The following LHPP variants were observed in gnomAD, a reference collection of about 807,000 sequenced individuals.
The protein encoded by LHPP is hLHPP.
In LHPP, 24 loss-of-function variants were observed where a neutral mutation model predicts 30.3. The ratio of observed to expected loss-of-function variants is 0.79; its 90% CI spans 0.57 to 1.11. LHPP has a LOEUF of 1.11. Ranked by LOEUF, LHPP falls within the 50% of genes most tolerant of loss-of-function variation. The pLI, the probability that LHPP is intolerant of heterozygous loss-of-function variation, is 0.00. For missense variants in LHPP, 356 were observed against 367.2 expected, an observed-to-expected ratio of 0.97 and a Z score of 0.25; for synonymous variants, 150 against 157.1, an observed-to-expected ratio of 0.95 and a Z score of 0.34.
intron 5 of LHPP, among the ~76,000 whole-genome samples, chr10:124,506,272 C>CG (rs1162052587): frequency 7.8e-6 from 1 of 128,620 alleles, no homozygotes; most frequent in Admixed American, 7.9e-5. Context: ...AACCCCCCCC[C>CG]CACCCCGCGG....
intron 2 of LHPP, among the ~76,000 whole-genome samples, chr10:124,485,444 C>T: frequency 6.6e-6 from 1 of 151,944 alleles, no homozygotes; most frequent in East Asian, 1.9e-4. Flanking sequence ...GAATGCCCTT[C>T]CTCAGCTGTA....
At chr10:124,501,269 G>C (rs1463070013) in intron 5 of LHPP, among the ~76,000 whole-genome samples, 1 of 151,856 alleles carries the variant, frequency 6.6e-6, no homozygotes, top group Non-Finnish European at 1.5e-5. Flanking sequence ...GGGGAGTGCA[G>C]CTTCAGGGTA....
At chr10:124,553,721 A>G (rs1280116804) in intron 6 of LHPP, among the ~76,000 whole-genome samples, 1 of 152,068 alleles carries the variant, frequency 6.6e-6, no homozygotes, top group Non-Finnish European at 1.5e-5. Flanking sequence ...GGCCTCCCAA[A>G]GTGCCGGGAT....
intron 6 of LHPP, among the ~76,000 whole-genome samples, chr10:124,535,659 C>A (rs147156990): frequency 1.0e-3 from 157 of 151,992 alleles, no homozygotes; most frequent in Admixed American, 1.9e-3. Flanking sequence ...TCTCCCACAT[C>A]GGGATCCCAA....
chr10:124,589,434 T>C (rs959976402), intron 6 of LHPP, among the ~76,000 whole-genome samples: 1 of 152,238 alleles, frequency 6.6e-6, no homozygotes, highest in African/African-American at 2.4e-5. Flanking sequence ...TTTAAAAAGC[T>C]GGCATGGGCT....
At chr10:124,589,889 G>T (rs11595762) in intron 6 of LHPP, among the ~76,000 whole-genome samples, 74,948 of 151,946 alleles carry the variant, frequency 0.49, 18,590 homozygotes, top group Non-Finnish European at 0.5. Flanking sequence ...ATGTCTCAGC[G>T]CGCCCTGGCC....
At chr10:124,554,322 A>G (rs1409862617) in intron 6 of LHPP, among the ~76,000 whole-genome samples, 1 of 152,180 alleles carries the variant, frequency 6.6e-6, no homozygotes, top group African/African-American at 2.4e-5. Context: ...GGTAGGATGC[A>G]TGCCTGAGGT....
chr10:124,555,174 G>A (rs970099989), intron 6 of LHPP, among the ~76,000 whole-genome samples: 7 of 152,196 alleles, frequency 4.6e-5, no homozygotes, highest in Admixed American at 1.3e-4. Flanking sequence ...CTCTTCCTGG[G>A]TGGGCCAGTG....
chr10:124,479,124 C>G (rs1170878208), intron 1 of LHPP, among the ~76,000 whole-genome samples: 1 of 151,922 alleles, frequency 6.6e-6, no homozygotes, highest in African/African-American at 2.4e-5. Context: ...CAAATCCCCA[C>G]TCCCATGGGA....
At position 124,506,517 on chromosome 10, in the gene LHPP, C is replaced by T. The variant is rs576539068; in HGVS notation, c.624+8389C>T. Among the ~76,000 whole-genome samples, 6 of 151,590 alleles carry T rather than the reference C, an allele frequency of 4.0e-5. No homozygotes were observed. The East Asian group carries it at 8.0e-4, about 20-fold the overall frequency. On this transcript the variant is annotated intron_variant, in intron 5 of 6. Coordinates refer to ENST00000368842, the MANE Select transcript of LHPP (RefSeq NM_022126.4). ...TTACGGAGAACTCTAGTACTGAACC[C>T]AAGATTACTTTGCCAATGAGGAGTG...
At position 124,552,612 on chromosome 10, in the gene LHPP, C is replaced by T. The variant is rs558146437; in HGVS notation, c.716+35341C>T. Among the ~76,000 whole-genome samples, 3 of 152,288 alleles carry T rather than the reference C, an allele frequency of 2.0e-5. No homozygotes were observed. In the East Asian group the frequency reaches 5.8e-4, roughly 29 times the overall value. On this transcript the variant is annotated intron_variant, in intron 6 of 6. Transcript: ENST00000368842. Reference sequence around the variant, plus strand: ...GCTCTTAATCCTCCAGCCACTGCCCCCCAGGCTGGGGCCTGCCAGCCCCCG... The same window carrying T: ...GCTCTTAATCCTCCAGCCACTGCCCTCCAGGCTGGGGCCTGCCAGCCCCCG...
At position 124,484,021 on chromosome 10, in the gene LHPP, A is replaced by G. The variant is rs1953232616; in HGVS notation, c.126-118A>G. The G allele has an allele frequency of 1.3e-5, 12 of 892,570 alleles. 1 individual carries two copies. The Admixed American group carries it at 2.8e-4, about 21-fold the overall frequency. 55.3% of individuals were successfully genotyped at this position (892,570 alleles called of 1,614,324 possible). A position where few individuals can be genotyped will look rare whatever the true frequency, so the allele number is the denominator to read the frequency against. On this transcript the variant is annotated intron_variant, in intron 1 of 6. Coordinates refer to ENST00000368842, the MANE Select transcript of LHPP (RefSeq NM_022126.4). ...AGCCAGGACCCCCTCAGGGGCTCGC[A>G]GTGGCCTAGTCTGCTCTGGGCTTTG...
At chr10:124,537,449 T>C (rs1225363560) in intron 6 of LHPP, among the ~76,000 whole-genome samples, 1 of 152,202 alleles carries the variant, frequency 6.6e-6, no homozygotes, top group South Asian at 2.1e-4. Context: ...AGCTGTGCCA[T>C]TGGCGATGCG....
chr10:124,611,606 C>T (rs1949199689), intron 6 of LHPP, among the ~76,000 whole-genome samples: 1 of 151,954 alleles, frequency 6.6e-6, no homozygotes, highest in Admixed American at 6.6e-5. Flanking sequence ...CACTGCCCTC[C>T]CCTCCCAGGG....
intron 3 of LHPP, among the ~76,000 whole-genome samples, chr10:124,494,572 C>T (rs556284435): frequency 1.7e-3 from 255 of 152,328 alleles, no homozygotes; most frequent in African/African-American, 5.6e-3. Flanking sequence ...GGACGAGGGT[C>T]ATGGCCTTTG....
Position 124,496,986 on chromosome 10 carries a change from C to G in LHPP, c.493C>G (p.Leu165Val), listed in dbSNP as rs1205364057. 1.2e-6 allele frequency: 2 copies of G among 1,614,034 alleles called. No homozygotes were observed. The highest frequency in any genetic ancestry group is 1.3e-5 in the African/African-American group (1 of 74,954). The stretch of plus-strand genomic sequence containing the variant: ...GCGTTACTACAAGGAGACCTCTGGC[C>G]TGATGCTGGACGTTGGTCCCTACAT... ...KGRYYKETSGLMLDVGPYMKA... is the reference protein window; with the variant it reads ...KGRYYKETSGVMLDVGPYMKA... The change falls in exon 4 of 7, where the codon CTG (leucine) becomes GTG (valine). Residue 165 changes from leucine to valine, a missense_variant. Physicochemically the swap from Leu to Val is conservative, Grantham distance 32 (BLOSUM62 1). Transcript: ENST00000368842. The surrounding 1 kb of genome is among the most constrained non-coding windows in gnomAD (Gnocchi z 4.3).
chr10:124,471,290 T>C (rs983863747), intron 1 of LHPP, among the ~76,000 whole-genome samples: 6 of 150,006 alleles, frequency 4.0e-5, no homozygotes, highest in African/African-American at 1.5e-4. Flanking sequence ...CACTGGAGGC[T>C]GGAGACCCCT....
chr10:124,556,949 G>C (rs1948310640), intron 6 of LHPP, among the ~76,000 whole-genome samples: 1 of 152,182 alleles, frequency 6.6e-6, no homozygotes, highest in African/African-American at 2.4e-5. Context: ...TGGAGAAGAT[G>C]CTTCTTTTTT....
rs895704765 is a variant in LHPP at position 124,526,275 on chromosome 10, T to C, written c.716+9004T>C. ...AGGGGGATAACGCAGGTATGCCTCA[T>C]GGCGGGGCCAGTGCTCATGCTTACA... On this transcript the variant is annotated intron_variant, in intron 6 of 6. Transcript: ENST00000368842. 3.1e-6 allele frequency: 3 copies of C among 980,174 alleles called. No individual in the cohort carries two copies. The African/African-American group carries it at 5.3e-5, about 17-fold the overall frequency. The allele number at this position is 980,174 out of a possible 1,614,324, so 60.7% of individuals were successfully genotyped here.
Sources: allele counts gnomAD v4.1 joint callset (sites outside exome capture counted in the v4.1 genomes callset), GRCh38; gene constraint gnomAD v4.1.1; non-coding constraint Gnocchi (gnomAD v3.1); transcripts MANE v1.5; gene names NCBI Gene and HGNC (gene_info 2026-07-23, HGNC 2026-07-21).